Variants in TLL1 observed in about 807,000 individuals in gnomAD.
TLL1 encodes tolloid like 1.
Under a neutral mutation model 128.2 loss-of-function variants are expected in TLL1, and 49 were observed. The observed-to-expected ratio is 0.38, with a 90% CI of 0.30 to 0.48. The LOEUF (loss-of-function observed/expected upper bound fraction) is 0.48, where lower values mean the gene tolerates loss of function less well. Among genes scored for constraint, TLL1 ranks in the 20% least tolerant of loss-of-function variants. The pLI, the probability that TLL1 is intolerant of heterozygous loss-of-function variation, is 0.96. For missense variants in TLL1, 1,123 were observed against 1,242.0 expected (o/e 0.90, Z 1.44); for synonymous variants, 454 against 418.8 (o/e 1.08, Z -1.03).
chr4:165,932,931 A>C (rs1016521375), intron 1 of TLL1, among the ~76,000 whole-genome samples: 2 of 152,290 alleles, frequency 1.3e-5, no homozygotes, highest in African/African-American at 2.4e-5. Flanking sequence ...TACCACTCTC[A>C]TCAACTATAC....
At chr4:166,087,910 A>G (rs1340621480) in intron 18 of TLL1, among the ~76,000 whole-genome samples, 1 of 152,130 alleles carries the variant, frequency 6.6e-6, no homozygotes, top group African/African-American at 2.4e-5. Context: ...CTTGTGGGAA[A>G]TGCATTAGGA....
intron 18 of TLL1, among the ~76,000 whole-genome samples, chr4:166,080,173 G>A (rs932436039): frequency 6.6e-6 from 1 of 151,978 alleles, no homozygotes; most frequent in African/African-American, 2.4e-5. Context: ...CTTGTATATG[G>A]CCTCCACCTC....
At chr4:166,063,915 C>A (rs1479428551) in intron 15 of TLL1, among the ~76,000 whole-genome samples, 1 of 151,702 alleles carries the variant, frequency 6.6e-6, no homozygotes, top group African/African-American at 2.4e-5. Flanking sequence ...TTAATGGGTG[C>A]AGCATACCAA....
chr4:165,877,593 G>A (rs1295709755), intron 1 of TLL1, among the ~76,000 whole-genome samples: 1 of 152,146 alleles, frequency 6.6e-6, no homozygotes, highest in Non-Finnish European at 1.5e-5. Context: ...TATCTGTGAG[G>A]AGCCTGGGCA....
intron 16 of TLL1, among the ~76,000 whole-genome samples, chr4:166,074,513 C>T (rs1266381016): frequency 3.3e-5 from 5 of 151,772 alleles, no homozygotes; most frequent in Non-Finnish European, 7.4e-5. Context: ...TCAAACTATG[C>T]ACAATTTTAA....
At position 165,873,819 on chromosome 4, in the gene TLL1, C is replaced by T. The variant is rs933766935; in HGVS notation, c.-86C>T. ...AGCCTCCGGGTGGGGAGAAGAGCACCGGTGCCCCTAGCCCCGCACATCAGC... is the reference window on the plus strand; with the variant it reads ...AGCCTCCGGGTGGGGAGAAGAGCACTGGTGCCCCTAGCCCCGCACATCAGC... On this transcript the variant is annotated 5_prime_UTR_variant, in exon 1 of 21. Coordinates refer to ENST00000061240, the MANE Select transcript of TLL1 (RefSeq NM_012464.5). The T allele has an allele frequency of 1.3e-6, 2 of 1,509,026 alleles. No individual in the cohort carries two copies. The highest frequency in any genetic ancestry group is 3.4e-5 in the Admixed American group (2 of 58,688). 93.5% of individuals were successfully genotyped at this position (1,509,026 alleles called of 1,614,324 possible). A position where few individuals can be genotyped will look rare whatever the true frequency, so the allele number is the denominator to read the frequency against.
intron 9 of TLL1, among the ~76,000 whole-genome samples, chr4:166,034,017 G>A (rs897516635): frequency 7.2e-5 from 11 of 152,096 alleles, no homozygotes; most frequent in African/African-American, 9.6e-5. Context: ...GAGTGAATTC[G>A]CAGTAGTGTA....
intron 15 of TLL1, 44 bp downstream of exon 15, chr4:166,060,232 C>G: frequency 1.3e-6 from 2 of 1,591,696 alleles, no homozygotes; most frequent in Non-Finnish European, 1.7e-6. Context: ...TGTTTTGGAA[C>G]TCCCTGAAGG....
chr4:166,012,653 T>C (rs1017417442), intron 7 of TLL1, among the ~76,000 whole-genome samples: 5 of 151,708 alleles, frequency 3.3e-5, no homozygotes, highest in Non-Finnish European at 7.4e-5. Flanking sequence ...TTACAAGGCC[T>C]TTCTCAATGC....
At chr4:165,959,909 A>T (rs1224775516) in intron 1 of TLL1, among the ~76,000 whole-genome samples, 1 of 152,128 alleles carries the variant, frequency 6.6e-6, no homozygotes, top group Non-Finnish European at 1.5e-5. Flanking sequence ...CAAATTAATG[A>T]TCAAATATCA....
intron 1 of TLL1, among the ~76,000 whole-genome samples, chr4:165,901,748 G>A (rs546402313): frequency 6.6e-6 from 1 of 152,320 alleles, no homozygotes; most frequent in South Asian, 2.1e-4. Context: ...GAGGCAGTCT[G>A]TTCCTTAGCA....
chr4:165,974,133 CTTTTTT>C (rs199741025), intron 1 of TLL1, among the ~76,000 whole-genome samples: 2 of 60,750 alleles, frequency 3.3e-5, no homozygotes, highest in African/African-American at 8.8e-5. Context: ...TGGACCTCAT[CTTTTTT>C]TTTTTTTTTT....
At chr4:165,989,295 T>TGC in intron 1 of TLL1, 86 bp from the exon 2 acceptor site, 3 of 1,028,218 alleles carry the variant, frequency 2.9e-6, no homozygotes, top group Non-Finnish European at 4.5e-6. Context: ...CGTTTCCATA[T>TGC]TTTTAACAAT....
chr4:165,884,157 C>A (rs1215259049), intron 1 of TLL1, among the ~76,000 whole-genome samples: 1 of 152,156 alleles, frequency 6.6e-6, no homozygotes, highest in Non-Finnish European at 1.5e-5. Flanking sequence ...CAGAAGTATG[C>A]CTCACCTAGT....
intron 5 of TLL1, among the ~76,000 whole-genome samples, chr4:165,996,137 T>C (rs2111021195): frequency 6.6e-6 from 1 of 152,266 alleles, no homozygotes; most frequent in Middle Eastern, 3.4e-3. Flanking sequence ...TACCCATTCC[T>C]GAGCTGCCCA....
chr4:165,995,669 T>A (rs1736843193), intron 5 of TLL1, among the ~76,000 whole-genome samples: 1 of 152,198 alleles, frequency 6.6e-6, no homozygotes, highest in African/African-American at 2.4e-5. Context: ...TTCAGCAGTG[T>A]TTCCTTCTAA....
At chr4:165,926,642 T>C (rs896835240) in intron 1 of TLL1, among the ~76,000 whole-genome samples, 1 of 152,172 alleles carries the variant, frequency 6.6e-6, no homozygotes, top group Admixed American at 6.5e-5. Context: ...TGCTGCTGTC[T>C]TGGACATCAA....
At chr4:166,030,591 C>T in intron 9 of TLL1, 1 of 558,386 alleles carries the variant, frequency 1.8e-6, no homozygotes, top group Admixed American at 3.4e-5. Flanking sequence ...TATGTAATGA[C>T]ATGAAGTTTT....
chr4:166,083,948 T>G (rs560264089), intron 18 of TLL1, among the ~76,000 whole-genome samples: 2 of 152,256 alleles, frequency 1.3e-5, no homozygotes, highest in East Asian at 3.9e-4. Flanking sequence ...ATTTTTAACT[T>G]TTCGAGGAGA....
Sources: gnomAD v4.1 joint callset for allele counts (sites outside exome capture counted in the v4.1 genomes callset) on GRCh38, gnomAD v4.1.1 for gene constraint, MANE v1.5 for transcripts, NCBI Gene and HGNC (gene_info 2026-07-23, HGNC 2026-07-21) for gene names.